Variants in SPAG16 observed in about 807,000 individuals in gnomAD.
The protein encoded by SPAG16 is sperm-associated antigen 16 protein.
SPAG16 carries 86 observed loss-of-function variants against 80.4 expected under a neutral mutation model. The observed-to-expected ratio is 1.07, with a 90% CI of 0.90 to 1.28. The LOEUF (loss-of-function observed/expected upper bound fraction) is 1.28, where lower values mean the gene tolerates loss of function less well. Among genes scored for constraint, SPAG16 ranks in the 50% most tolerant of loss-of-function variants. SPAG16 has a pLI of 0.00. For synonymous variants in SPAG16, 294 were observed against 265.9 expected (o/e 1.11, Z -1.03); for missense variants, 870 against 765.3 (o/e 1.14, Z -1.61).
chr2:213,600,605 A>G (rs940819697), intron 10 of SPAG16, among the ~76,000 whole-genome samples: 8 of 152,104 alleles, frequency 5.3e-5, no homozygotes, highest in African/African-American at 1.2e-4. Flanking sequence ...TCTCCATCCA[A>G]TTTATGCTGT....
intron 15 of SPAG16, among the ~76,000 whole-genome samples, chr2:214,367,040 G>T (rs1699522977): frequency 6.6e-6 from 1 of 151,968 alleles, no homozygotes; most frequent in African/African-American, 2.4e-5. Flanking sequence ...CACCTCTTTG[G>T]TCACCCTAGG....
intron 13 of SPAG16, among the ~76,000 whole-genome samples, chr2:214,101,457 T>G (rs2053024910): frequency 6.6e-6 from 1 of 152,154 alleles, no homozygotes; most frequent in Non-Finnish European, 1.5e-5. Flanking sequence ...GGAGGGCATT[T>G]GCACCTATCA....
At chr2:213,824,381 G>A (rs1456266531) in intron 10 of SPAG16, among the ~76,000 whole-genome samples, 1 of 152,096 alleles carries the variant, frequency 6.6e-6, no homozygotes, top group African/African-American at 2.4e-5. Flanking sequence ...TGAGGTCTTA[G>A]GTTTAAGTCT....
chr2:213,308,953 G>A (rs191882419), intron 3 of SPAG16, among the ~76,000 whole-genome samples: 61 of 152,194 alleles, frequency 4.0e-4, no homozygotes, highest in African/African-American at 1.4e-3. Flanking sequence ...TCTTGGGGCT[G>A]GGACCCAGTT....
At position 214,273,193 on chromosome 2, in the gene SPAG16, C is replaced by T. The variant is rs186980075; in HGVS notation, c.1720+123927C>T. 6.7e-3 allele frequency among the ~76,000 whole-genome samples: 1,024 copies of T among 152,132 alleles called. 8 individuals carry two copies. The highest frequency in any genetic ancestry group is 0.024 in the African/African-American group (980 of 41,488). On this transcript the variant is annotated intron_variant, in intron 15 of 15. Coordinates refer to ENST00000331683, the MANE Select transcript of SPAG16 (RefSeq NM_024532.5). ...GTTCTTTGTTGATTCTGGATATTAG[C>T]CCTTTGTCCGATGGGTAGATCGCAA... is the stretch of plus-strand genomic sequence containing the variant.
At chr2:214,181,314 C>G (rs903293324) in intron 15 of SPAG16, among the ~76,000 whole-genome samples, 5 of 151,776 alleles carry the variant, frequency 3.3e-5, no homozygotes, top group Middle Eastern at 3.4e-3. Context: ...ATGTAATGAA[C>G]AGAGAAAAGG....
chr2:213,627,517 A>AT (rs2062001935), intron 10 of SPAG16, among the ~76,000 whole-genome samples: 1 of 152,088 alleles, frequency 6.6e-6, no homozygotes, highest in African/African-American at 2.4e-5. Context: ...AAAATGTATC[A>AT]TTTTCTCCTT....
At chr2:213,291,583 G>T (rs538353351) in intron 1 of SPAG16, among the ~76,000 whole-genome samples, 5 of 152,130 alleles carry the variant, frequency 3.3e-5, no homozygotes, top group Admixed American at 2.6e-4. Context: ...TCCTCTGGGG[G>T]TCTTCAAATT....
Position 214,179,929 on chromosome 2 carries a change from G to T in SPAG16, c.1720+30663G>T, listed in dbSNP as rs147682979. On this transcript the variant is annotated intron_variant, in intron 15 of 15. Coordinates refer to ENST00000331683, the MANE Select transcript of SPAG16 (RefSeq NM_024532.5). Reference sequence around the variant, plus strand: ...TTGGAAAAACATGTAAATGGTGTTAGAATAGTTCAGCTATTACTAAGCCAT... The same window carrying T: ...TTGGAAAAACATGTAAATGGTGTTATAATAGTTCAGCTATTACTAAGCCAT... Among the ~76,000 whole-genome samples, 206 of 151,584 alleles carry T rather than the reference G, an allele frequency of 1.4e-3. 1 individual carries two copies. Among genetic ancestry groups the T allele is most frequent in the African/African-American group, 4.7e-3 (194 of 41,466 alleles).
intron 10 of SPAG16, among the ~76,000 whole-genome samples, chr2:213,644,420 G>T (rs116699656): frequency 6.6e-4 from 101 of 152,216 alleles, no homozygotes; most frequent in Middle Eastern, 3.4e-3. Context: ...ATTCTTCAGT[G>T]TCTGGGCATT....
At chr2:213,984,166 C>T (rs933802610) in intron 12 of SPAG16, among the ~76,000 whole-genome samples, 10 of 152,014 alleles carry the variant, frequency 6.6e-5, no homozygotes, top group East Asian at 3.9e-4. Context: ...TCCAATTTCA[C>T]GAATATTATC....
chr2:213,661,468 A>G (rs1178254586), intron 10 of SPAG16, among the ~76,000 whole-genome samples: 4 of 152,206 alleles, frequency 2.6e-5, no homozygotes, highest in Non-Finnish European at 5.9e-5. Context: ...TCTAATATGA[A>G]TGGAATGCTA....
intron 10 of SPAG16, among the ~76,000 whole-genome samples, chr2:213,563,866 T>C (rs1431993420): frequency 6.6e-6 from 1 of 152,230 alleles, no homozygotes; most frequent in Non-Finnish European, 1.5e-5. Flanking sequence ...TTCTCTGCTA[T>C]CACATTTCTA....
intron 10 of SPAG16, among the ~76,000 whole-genome samples, chr2:213,817,232 TTA>T (rs545339997): frequency 0.012 from 1,702 of 143,326 alleles, 29 homozygotes; most frequent in African/African-American, 0.041. Context: ...ATATATATGC[TTA>T]TATATATATA....
intron 1 of SPAG16, among the ~76,000 whole-genome samples, chr2:213,292,588 C>T (rs1467582612): frequency 2.7e-5 from 4 of 145,488 alleles, no homozygotes; most frequent in African/African-American, 5.1e-5. Flanking sequence ...GGCGTGAACC[C>T]GGGAGGCGGA....
chr2:213,389,308 C>G (rs2067613448), intron 9 of SPAG16, among the ~76,000 whole-genome samples: 1 of 151,974 alleles, frequency 6.6e-6, no homozygotes, highest in African/African-American at 2.4e-5. Flanking sequence ...AACTATAAAA[C>G]TCTCAGAAGA....
chr2:214,040,169 G>A (rs1039258767), intron 13 of SPAG16, among the ~76,000 whole-genome samples: 1 of 152,136 alleles, frequency 6.6e-6, no homozygotes, highest in African/African-American at 2.4e-5. Context: ...CAGAATAATG[G>A]CTGGCAATTG....
Position 214,329,282 on chromosome 2 carries a change from G to A in SPAG16, c.1721-80858G>A, listed in dbSNP as rs550204459. On this transcript the variant is annotated intron_variant, in intron 15 of 15. Coordinates refer to ENST00000331683, the MANE Select transcript of SPAG16 (RefSeq NM_024532.5). ...CTCAAGTTATTTACAATCCTTTGGT[G>A]CCAAACCTTAAAGAAAGAATTCTTA... Among the ~76,000 whole-genome samples, 311 of 70,568 alleles carry A rather than the reference G, an allele frequency of 4.4e-3. 1 individual carries two copies. The highest frequency in any genetic ancestry group is 0.017 in the African/African-American group (283 of 16,330). 46.3% of individuals were successfully genotyped at this position (70,568 alleles called of 152,430 possible).
chr2:214,008,700 G>A (rs184999271), intron 12 of SPAG16, among the ~76,000 whole-genome samples: 206 of 151,234 alleles, frequency 1.4e-3, no homozygotes, highest in Admixed American at 2.0e-3. Flanking sequence ...AGCCAAGATC[G>A]TGCCACTGCA....
Sources: allele counts gnomAD v4.1 joint callset (sites outside exome capture counted in the v4.1 genomes callset), GRCh38; gene constraint gnomAD v4.1.1; transcripts MANE v1.5; gene names NCBI Gene and HGNC (gene_info 2026-07-23, HGNC 2026-07-21).